Variants in LIMCH1 observed in about 807,000 individuals in gnomAD.
The protein encoded by LIMCH1 is LIM and calponin homology domains-containing protein 1.
In LIMCH1, 113 loss-of-function variants were observed where a neutral mutation model predicts 176.5. That is an observed-to-expected ratio of 0.64 (90% confidence interval 0.55 to 0.75). The LOEUF is 0.75. Ranked by LOEUF, LIMCH1 falls within the 30% of genes least tolerant of loss-of-function variation. The pLI, the probability that LIMCH1 is intolerant of heterozygous loss-of-function variation, is 0.00. For missense variants in LIMCH1, 1,674 were observed against 1,814.9 expected, an observed-to-expected ratio of 0.92 and a Z score of 1.41; for synonymous variants, 619 against 645.9, an observed-to-expected ratio of 0.96 and a Z score of 0.63.
In LIMCH1 at chr4:41,565,382, CAT is replaced by C. The variant is rs1491186848; in HGVS notation, c.-241+27034_-241+27035del. 8.0e-3 allele frequency among the ~76,000 whole-genome samples: 1,110 copies of C among 138,888 alleles called. 18 individuals are homozygous for C. Among genetic ancestry groups the C allele is most frequent in the African/African-American group, 0.026 (819 of 31,874 alleles). The allele number at this position is 138,888 out of a possible 152,430, so 91.1% of individuals were successfully genotyped here. A position where few individuals can be genotyped will look rare whatever the true frequency, so the allele number is the denominator to read the frequency against. Reference sequence around the variant, plus strand: ...ACACACACACACACACACACACACACATACACACACACACAGACACACACACA... The same window carrying C: ...ACACACACACACACACACACACACACACACACACACACAGACACACACACA... On this transcript the variant is annotated intron_variant, in intron 1 of 31. Coordinates refer to ENST00000503057, the MANE Select transcript of LIMCH1 (RefSeq NM_001330672.2).
Position 41,644,631 on chromosome 4 carries a change from G to A in LIMCH1, c.2253+5G>A. On this transcript the variant is annotated splice_donor_5th_base_variant and intron_variant, in intron 15 of 31. Coordinates refer to ENST00000503057, the MANE Select transcript of LIMCH1 (RefSeq NM_001330672.2). ...GAGGACGACAAATGGCAAGATGTGA[G>A]TTGTGGCCAAGGCGCGCGGGCAGCG... 6.2e-7 allele frequency: 1 copy of A among 1,607,178 alleles called. No individual in the cohort carries two copies. Among genetic ancestry groups the A allele is most frequent in the Non-Finnish European group, 8.5e-7 (1 of 1,176,172 alleles).
At chr4:41,366,669 TA>T (rs139222108) in intron 1 of LIMCH1, among the ~76,000 whole-genome samples, 11,108 of 152,186 alleles carry the variant, frequency 0.073, 615 homozygotes, top group African/African-American at 0.15. Context: ...AAATAGTTCT[TA>T]AAAAAATGAT....
At chr4:41,611,714 C>T (rs529162203) in intron 4 of LIMCH1, among the ~76,000 whole-genome samples, 1 of 152,274 alleles carries the variant, frequency 6.6e-6, no homozygotes, top group East Asian at 1.9e-4. Flanking sequence ...AATAACATAA[C>T]ATGCAAAAAA....
At chr4:41,538,031 A>G (rs1186323250), upstream of LIMCH1, 1 of 318,796 alleles carries the variant, frequency 3.1e-6, no homozygotes, top group African/African-American at 2.3e-5. Context: ...CTCTCTGCAC[A>G]ATTCCAATCC....
intron 14 of LIMCH1, among the ~76,000 whole-genome samples, chr4:41,643,981 T>C (rs2093942253): frequency 6.6e-6 from 1 of 152,198 alleles, no homozygotes; most frequent in Non-Finnish European, 1.5e-5. Flanking sequence ...AATGATATTT[T>C]TTTGGAAATG....
chr4:41,448,981 T>C (rs1367092795), intron 1 of LIMCH1, among the ~76,000 whole-genome samples: 1 of 152,090 alleles, frequency 6.6e-6, no homozygotes, highest in Non-Finnish European at 1.5e-5. Flanking sequence ...ACTGATACAG[T>C]ATTACATTAT....
chr4:41,580,849 A>G (rs1411638737), intron 1 of LIMCH1, among the ~76,000 whole-genome samples: 4 of 152,192 alleles, frequency 2.6e-5, no homozygotes, highest in East Asian at 3.8e-4. Context: ...TAAATAGAAG[A>G]TAAGTTAAAA....
At chr4:41,406,819 A>G (rs995592208) in intron 1 of LIMCH1, among the ~76,000 whole-genome samples, 4 of 152,148 alleles carry the variant, frequency 2.6e-5, no homozygotes, top group Middle Eastern at 3.2e-3. Flanking sequence ...GGCGGGATAT[A>G]TATTCATTAT....
upstream of LIMCH1, among the ~76,000 whole-genome samples, chr4:41,533,322 C>T (rs2077524142): frequency 6.6e-6 from 1 of 152,140 alleles, no homozygotes; most frequent in Non-Finnish European, 1.5e-5. Context: ...GGGAGGAGGT[C>T]CCACAAGGGT....
intron 4 of LIMCH1, among the ~76,000 whole-genome samples, chr4:41,610,175 C>T (rs867242453): frequency 4.6e-5 from 7 of 152,210 alleles, no homozygotes; most frequent in African/African-American, 1.2e-4. Context: ...AAGCAACTAA[C>T]GCTCCAAGAG....
chr4:41,650,666 GT>G, intron 18 of LIMCH1, 58 bp downstream of exon 18: 1 of 1,417,698 alleles, frequency 7.1e-7, no homozygotes, highest in Non-Finnish European at 9.6e-7. Context: ...GAAAGAATCT[GT>G]TTTTAAAAAT....
In LIMCH1 at chr4:41,633,852, C is replaced by A. The variant is rs1305540487; in HGVS notation, c.2090+44C>A. ...GCCCTTGTGACTTTGTTTCTCCAGTCTGAGCTTTCAGTGTGTTCTTAATGC... is the reference window on the plus strand; with the variant it reads ...GCCCTTGTGACTTTGTTTCTCCAGTATGAGCTTTCAGTGTGTTCTTAATGC... On this transcript the variant is annotated intron_variant, in intron 13 of 31. Coordinates refer to ENST00000503057, the MANE Select transcript of LIMCH1 (RefSeq NM_001330672.2). 3.9e-6 allele frequency: 6 copies of A among 1,521,828 alleles called. No homozygotes were observed. The East Asian group carries it at 1.5e-4, about 37-fold the overall frequency. 94.3% of individuals were successfully genotyped at this position (1,521,828 alleles called of 1,614,324 possible).
At chr4:41,581,811 A>C (rs2085509804) in intron 1 of LIMCH1, among the ~76,000 whole-genome samples, 2 of 150,098 alleles carry the variant, frequency 1.3e-5, no homozygotes, top group Non-Finnish European at 3.0e-5. Flanking sequence ...GTCTCAAAAA[A>C]AAAAAAAAAA....
In LIMCH1 at chr4:41,521,306, T is replaced by C. The variant is rs374713821; in HGVS notation, c.168-3103T>C. 5.3e-5 allele frequency among the ~76,000 whole-genome samples: 8 copies of C among 152,274 alleles called. No individual in the cohort carries two copies. In the East Asian group the frequency reaches 9.6e-4, roughly 18 times the overall value. ...GGGAAATCTTCATATCTGTTTGGGG[T>C]TCATTTTTTCTTCTACAAAAATGGT... On this transcript the variant is annotated intron_variant, in intron 2 of 26. Coordinates refer to the LIMCH1 transcript ENST00000313860.
At chr4:41,469,529 G>A (rs1419297842) in intron 1 of LIMCH1, among the ~76,000 whole-genome samples, 2 of 152,136 alleles carry the variant, frequency 1.3e-5, no homozygotes, top group Non-Finnish European at 2.9e-5. Flanking sequence ...CCAAGGCATG[G>A]CCAGCAGCAC....
intron 4 of LIMCH1, among the ~76,000 whole-genome samples, chr4:41,611,639 T>A (rs936439273): frequency 6.6e-6 from 1 of 152,232 alleles, no homozygotes; most frequent in Non-Finnish European, 1.5e-5. Flanking sequence ...CTGATTCTTA[T>A]TTTTCTCTTC....
chr4:41,495,766 A>G (rs1392978150), intron 2 of LIMCH1, among the ~76,000 whole-genome samples: 1 of 152,212 alleles, frequency 6.6e-6, no homozygotes, highest in Non-Finnish European at 1.5e-5. Context: ...TTCAAAGATT[A>G]TGCAGCACTG....
At chr4:41,488,502 A>C (rs1037797240) in intron 1 of LIMCH1, among the ~76,000 whole-genome samples, 2 of 152,348 alleles carry the variant, frequency 1.3e-5, no homozygotes, top group African/African-American at 4.8e-5. Flanking sequence ...TCAAATAAGA[A>C]TGAGAGGATA....
At chr4:41,580,645 T>TA (rs534747875) in intron 1 of LIMCH1, among the ~76,000 whole-genome samples, 83 of 151,934 alleles carry the variant, frequency 5.5e-4, no homozygotes, top group Middle Eastern at 6.8e-3. Flanking sequence ...AAAATAAACC[T>TA]AAAAAAACAG....
Sources: allele counts gnomAD v4.1 joint callset (sites outside exome capture counted in the v4.1 genomes callset), GRCh38; gene constraint gnomAD v4.1.1; transcripts MANE v1.5; gene names NCBI Gene and HGNC (gene_info 2026-07-23, HGNC 2026-07-21).